The following OSBP2 variants were observed in gnomAD, a reference collection of about 807,000 sequenced individuals.
The protein encoded by OSBP2 is oxysterol binding protein 2.
In OSBP2, 66 loss-of-function variants were observed where a neutral mutation model predicts 96.0. The observed-to-expected ratio is 0.69, with a 90% confidence interval of 0.56 to 0.84. The LOEUF is 0.84. Ranked by LOEUF, OSBP2 falls within the 40% of genes least tolerant of loss-of-function variation. The probability of loss-of-function intolerance (pLI) is 0.00; values close to 1 mark genes in which losing one functional copy is unlikely to be tolerated. For missense variants in OSBP2, 1,038 were observed against 1,222.7 expected (o/e 0.85, Z 2.25); for synonymous variants, 525 against 520.9 (o/e 1.01, Z -0.11).
At chr22:30,792,382 A>AT (rs1280244250) in intron 2 of OSBP2, among the ~76,000 whole-genome samples, 1 of 152,032 alleles carries the variant, frequency 6.6e-6, no homozygotes, top group Non-Finnish European at 1.5e-5. Flanking sequence ...GAATACAAGT[A>AT]TTTTTTTCAT....
intron 2 of OSBP2, among the ~76,000 whole-genome samples, chr22:30,861,574 A>G (rs999018527): frequency 2.0e-5 from 3 of 151,894 alleles, no homozygotes; most frequent in African/African-American, 7.3e-5. Context: ...CTGATTTTCC[A>G]TCAGATTAGA....
Position 30,906,463 on chromosome 22 carries a change from T to G in OSBP2, c.*124T>G. 8.3e-7 allele frequency: 1 copy of G among 1,207,028 alleles called. No individual in the cohort carries two copies. The highest frequency in any genetic ancestry group is 1.1e-6 in the Non-Finnish European group (1 of 909,194). The allele number at this position is 1,207,028 out of a possible 1,614,324, so 74.8% of individuals were successfully genotyped here. Reference sequence around the variant, plus strand: ...TCCCAGCCCTTCCTATTTCCTTTCCTATTTTTTTTTTCTCCCCACACTTTC... The same window carrying G: ...TCCCAGCCCTTCCTATTTCCTTTCCGATTTTTTTTTTCTCCCCACACTTTC... On this transcript the variant is annotated 3_prime_UTR_variant, in exon 14 of 14. Transcript: ENST00000332585.
intron 2 of OSBP2, among the ~76,000 whole-genome samples, chr22:30,858,175 T>C (rs953859583): frequency 2.7e-5 from 4 of 146,098 alleles, no homozygotes. Context: ...AGTCTCGCTC[T>C]GTCGCCCAGG....
chr22:30,861,070 C>G (rs557338048), intron 2 of OSBP2, among the ~76,000 whole-genome samples: 2 of 152,302 alleles, frequency 1.3e-5, no homozygotes, highest in African/African-American at 4.8e-5. Context: ...CCTGGTTCCC[C>G]CAGTGAAAGG....
At position 30,891,914 on chromosome 22, in the gene OSBP2, G is replaced by A. The variant is rs73156717; in HGVS notation, c.1869+941G>A. 2.2e-3 allele frequency among the ~76,000 whole-genome samples: 338 copies of A among 152,308 alleles called. 1 individual carries two copies. The highest frequency in any genetic ancestry group is 3.2e-3 in the Admixed American group (49 of 15,302). On this transcript the variant is annotated intron_variant, in intron 8 of 13. Transcript: ENST00000332585. Reference sequence around the variant, plus strand: ...CTGGGAAAGCAAGGCAGATACTGTGGCTGCTTCCAGCTCTTTTAGAAAGGG... The same window carrying A: ...CTGGGAAAGCAAGGCAGATACTGTGACTGCTTCCAGCTCTTTTAGAAAGGG...
At chr22:30,822,571 GC>G in intron 2 of OSBP2, 3 of 1,511,612 alleles carry the variant, frequency 2.0e-6, no homozygotes, top group East Asian at 2.5e-5. Flanking sequence ...GTCCGTGCAA[GC>G]CCCCGGGACC....
chr22:30,883,914 A>G (rs1294985942), intron 3 of OSBP2, among the ~76,000 whole-genome samples: 2 of 152,176 alleles, frequency 1.3e-5, no homozygotes, highest in Non-Finnish European at 2.9e-5. Context: ...TACAGCAGTG[A>G]GAGAGGGACA....
intron 2 of OSBP2, among the ~76,000 whole-genome samples, chr22:30,769,989 T>A (rs1427703944): frequency 1.3e-5 from 2 of 152,124 alleles, no homozygotes; most frequent in African/African-American, 4.8e-5. Flanking sequence ...TGGTAGTGAA[T>A]AAGTCTCACA....
chr22:30,799,014 A>G (rs1602279362), intron 2 of OSBP2, among the ~76,000 whole-genome samples: 1 of 87,296 alleles, frequency 1.1e-5, no homozygotes, highest in Admixed American at 1.1e-4. Context: ...ACTCTGTCTC[A>G]AAAAAAAAAA....
intron 1 of OSBP2, among the ~76,000 whole-genome samples, chr22:30,725,174 T>TG (rs1369795317): frequency 1.7e-5 from 1 of 57,242 alleles, no homozygotes; most frequent in African/African-American, 6.5e-5. Flanking sequence ...AGACTCTGTC[T>TG]CAAAAACAAA....
At chr22:30,834,392 T>G (rs1234623469) in intron 2 of OSBP2, among the ~76,000 whole-genome samples, 2 of 152,196 alleles carry the variant, frequency 1.3e-5, no homozygotes, top group Admixed American at 6.5e-5. Context: ...GGTAATATAG[T>G]TTAACTTTTG....
chr22:30,776,199 C>T (rs1336326258), intron 2 of OSBP2, among the ~76,000 whole-genome samples: 2 of 151,506 alleles, frequency 1.3e-5, no homozygotes, highest in Non-Finnish European at 2.9e-5. Flanking sequence ...GTTCTCAGCT[C>T]ACTGCAACCT....
At chr22:30,769,409 G>A (rs756128767) in intron 2 of OSBP2, among the ~76,000 whole-genome samples, 8 of 152,162 alleles carry the variant, frequency 5.3e-5, no homozygotes, top group East Asian at 1.9e-4. Context: ...CAGCACTTTC[G>A]GAGGCTAAGA....
rs111740923 is a variant in OSBP2, at chr22:30,791,777, C to A, written c.853+50408C>A. 2.6e-4 allele frequency among the ~76,000 whole-genome samples: 40 copies of A among 152,196 alleles called. 1 individual carries two copies. The highest frequency in any genetic ancestry group is 8.7e-4 in the African/African-American group (36 of 41,524). On this transcript the variant is annotated intron_variant, in intron 2 of 13. Transcript: ENST00000332585. ...AGAGTGTCTTAGCTAGGAAGAGCTG[C>A]AAGATAGGAAGGTCATCATCATCTC...
intron 2 of OSBP2, among the ~76,000 whole-genome samples, chr22:30,780,487 CTGTTTTTTGTT>C (rs1276377293): frequency 2.2e-4 from 33 of 152,262 alleles, no homozygotes; most frequent in African/African-American, 7.5e-4. Context: ...CTTCACTAAA[CTGTTTTTTGTT>C]TGTTTTTTGT....
chr22:30,756,909 T>C (rs2090148123), intron 2 of OSBP2, among the ~76,000 whole-genome samples: 1 of 152,112 alleles, frequency 6.6e-6, no homozygotes, highest in African/African-American at 2.4e-5. Flanking sequence ...ACACATGCTA[T>C]GCAGCCACGT....
chr22:30,741,048 G>T, intron 1 of OSBP2, 113 bp from the exon 2 acceptor site: 1 of 831,186 alleles, frequency 1.2e-6, no homozygotes, highest in East Asian at 2.7e-5. Context: ...TGACTCCAGG[G>T]CCTCTCCCAG....
At chr22:30,763,872 A>G (rs2090237213) in intron 2 of OSBP2, among the ~76,000 whole-genome samples, 1 of 152,026 alleles carries the variant, frequency 6.6e-6, no homozygotes, top group South Asian at 2.1e-4. Flanking sequence ...TCTGCTCCCA[A>G]CTCCCTGGTC....
chr22:30,758,121 G>T lies in OSBP2; in HGVS notation c.853+16752G>T, dbSNP rs1201877744. ...TCTGCAGCTATGAAACATGGACAGG[G>T]CCAGGCACAGTGGCTCATGCCTGTA... is the stretch of plus-strand genomic sequence containing the variant. On this transcript the variant is annotated intron_variant, in intron 2 of 13. Coordinates refer to ENST00000332585, the MANE Select transcript of OSBP2 (RefSeq NM_030758.4). Among the ~76,000 whole-genome samples the T allele has an allele frequency of 2.0e-5, 3 of 152,190 alleles. No individual in the cohort carries two copies. The East Asian group carries it at 5.8e-4, about 29-fold the overall frequency.
Sources: gnomAD v4.1 joint callset for allele counts (sites outside exome capture counted in the v4.1 genomes callset) on GRCh38, gnomAD v4.1.1 for gene constraint, MANE v1.5 for transcripts, NCBI Gene and HGNC (gene_info 2026-07-23, HGNC 2026-07-21) for gene names.